SIRT4: variants seen among roughly 807,000 people sequenced by gnomAD.
The protein encoded by SIRT4 is NAD-dependent protein lipoamidase sirtuin-4, mitochondrial.
In SIRT4, 23 loss-of-function variants were observed where a neutral mutation model predicts 26.1. That is an observed-to-expected ratio of 0.88 (90% CI 0.63 to 1.25). The LOEUF is 1.25. SIRT4 is among the 50% of genes most tolerant of loss of function. The pLI is 0.00. For missense variants in SIRT4, 361 were observed against 405.4 expected (o/e 0.89, Z 0.94); for synonymous variants, 155 against 158.4 (o/e 0.98, Z 0.16).
the SIRT4 span, among the ~76,000 whole-genome samples, chr12:120,295,973 G>GCTA: frequency 6.8e-6 from 1 of 148,048 alleles, no homozygotes; most frequent in East Asian, 2.2e-4. Context: ...TGTAATCCCA[G>GCTA]CTACTAGGGG....
chr12:120,312,311 A>C (rs1241335319), intron 2 of SIRT4, 145 bp from the exon 3 acceptor site: 1 of 800,902 alleles, frequency 1.2e-6, no homozygotes, highest in Non-Finnish European at 2.0e-6. Flanking sequence ...TAAAATAGAA[A>C]GTATGGCTAA....
At chr12:120,293,101 C>A in the SIRT4 span, 12 of 152,034 alleles carry the variant, frequency 7.9e-5, no homozygotes, top group Non-Finnish European at 1.6e-4. Flanking sequence ...ATTCAGTCTC[C>A]GTAGAGACTG....
At chr12:120,304,831 ATATATTT>A (rs1342791817) in intron 2 of SIRT4, among the ~76,000 whole-genome samples, 1 of 5,608 alleles carries the variant, frequency 1.8e-4, no homozygotes, top group East Asian at 2.1e-3. Context: ...ATATATATAT[ATATATTT>A]TTTTTTTTTT....
At chr12:120,311,735 C>CAAAAAAAAAAA (rs10612543) in intron 2 of SIRT4, among the ~76,000 whole-genome samples, 1 of 55,108 alleles carries the variant, frequency 1.8e-5, no homozygotes, top group African/African-American at 8.3e-5. Context: ...AACTTGCTCT[C>CAAAAAAAAAAA]AAAAAAAAAA....
At chr12:120,312,382 G>A (rs1248784015) in intron 2 of SIRT4, 74 bp from the exon 3 acceptor site, 4 of 1,394,834 alleles carry the variant, frequency 2.9e-6, no homozygotes, top group Non-Finnish European at 3.9e-6. Flanking sequence ...GAAAATGGTT[G>A]GAGATGAAAC....
intron 2 of SIRT4, among the ~76,000 whole-genome samples, chr12:120,310,826 C>T (rs1318073803): frequency 5.3e-5 from 8 of 151,354 alleles, no homozygotes; most frequent in Non-Finnish European, 1.0e-4. Context: ...AGCTCCGCCT[C>T]CCGGGTTCAC....
chr12:120,307,264 C>CG (rs1156676831), intron 2 of SIRT4, among the ~76,000 whole-genome samples: 3 of 152,084 alleles, frequency 2.0e-5, no homozygotes, highest in Admixed American at 2.0e-4. Context: ...GCTGAGGGGG[C>CG]GGATCACTTG....
At chr12:120,297,233 A>ATACATAC in the SIRT4 span, among the ~76,000 whole-genome samples, 842 of 134,402 alleles carry the variant, frequency 6.3e-3, 3 homozygotes, top group Middle Eastern at 0.015. Context: ...AAAATAAATA[A>ATACATAC]ATACATACAT....
At chr12:120,292,279 A>T in the SIRT4 span, among the ~76,000 whole-genome samples, 1 of 152,128 alleles carries the variant, frequency 6.6e-6, no homozygotes, top group South Asian at 2.1e-4. Context: ...AGTTGGGAAT[A>T]ATTTTAGGAC....
intron 2 of SIRT4, among the ~76,000 whole-genome samples, chr12:120,311,721 G>A (rs1296721783): frequency 1.8e-5 from 2 of 113,838 alleles, no homozygotes; most frequent in Admixed American, 1.2e-4. Context: ...GGCAATGAGA[G>A]TGAAACTTGC....
Position 120,313,194 on chromosome 12 carries a change from ATTC to A in SIRT4, c.*161_*163del, listed in dbSNP as rs1873064203. ...GTTCTAGGTATCTTAATGTGTGGATATTCTTAATTAAAACTCATTTTTTTTAAA... is the reference window on the plus strand; with the variant it reads ...GTTCTAGGTATCTTAATGTGTGGATATTAATTAAAACTCATTTTTTTTAAA... On this transcript the variant is annotated 3_prime_UTR_variant, in exon 4 of 4. Coordinates refer to ENST00000202967, the MANE Select transcript of SIRT4 (RefSeq NM_012240.3). 2.7e-6 allele frequency: 2 copies of A among 745,282 alleles called. No individual in the cohort carries two copies. The highest frequency in any genetic ancestry group is 2.9e-5 in the Admixed American group (1 of 34,404). 46.2% of individuals were successfully genotyped at this position (745,282 alleles called of 1,614,324 possible).
rs986578239 is a variant in SIRT4 at position 120,307,625 on chromosome 12, C to T, written c.497+3567C>T. 5.3e-5 allele frequency among the ~76,000 whole-genome samples: 8 copies of T among 151,884 alleles called. No individual in the cohort carries two copies. The East Asian group carries it at 9.7e-4, about 18-fold the overall frequency. On this transcript the variant is annotated intron_variant, in intron 2 of 3. Coordinates refer to ENST00000202967, the MANE Select transcript of SIRT4 (RefSeq NM_012240.3). ...CTGTAATCCGAGCACTTTGGGAGGC[C>T]GAGGCAGGGGATCACCTGAGGTCAG...
At position 120,303,735 on chromosome 12, in the gene SIRT4, T is replaced by G; in HGVS notation, c.174T>G (p.Leu58=). The G allele has an allele frequency of 1.2e-6, 2 of 1,614,080 alleles. No individual in the cohort carries two copies. The highest frequency in any genetic ancestry group is 2.2e-5 in the South Asian group (2 of 91,078). The change falls in exon 2 of 4, where the codon CTT becomes CTG. Residue 58 remains leucine, a synonymous_variant. Coordinates refer to ENST00000202967, the MANE Select transcript of SIRT4 (RefSeq NM_012240.3). ...TCATCACCCTTTCCAAGAGACTCCT[T>G]GTGATGACTGGGGCAGGAATCTCCA... ...QRFITLSKRL[L]VMTGAGISTE... is the part of the protein sequence containing the mutation.
chr12:120,304,827 ATATATATATTTTT>A (rs1216354310), intron 2 of SIRT4, among the ~76,000 whole-genome samples: 49 of 104,212 alleles, frequency 4.7e-4, no homozygotes, highest in Admixed American at 1.4e-3. Flanking sequence ...ATATATATAT[ATATATATATTTTT>A]TTTTTTTTTT....
At chr12:120,304,372 G>A (rs985610885) in intron 2 of SIRT4, among the ~76,000 whole-genome samples, 9 of 152,276 alleles carry the variant, frequency 5.9e-5, no homozygotes, top group East Asian at 1.9e-4. Context: ...GACTGGGGCC[G>A]GGCGCAGTGG....
intron 2 of SIRT4, among the ~76,000 whole-genome samples, chr12:120,306,863 A>C (rs1033501649): frequency 6.6e-6 from 1 of 152,214 alleles, no homozygotes; most frequent in East Asian, 1.9e-4. Context: ...TTCTGAGGAA[A>C]ATATGAGCTG....
intron 2 of SIRT4, 45 bp from the exon 3 acceptor site, chr12:120,312,411 C>A (rs918607784): frequency 6.5e-7 from 1 of 1,533,216 alleles, no homozygotes; most frequent in South Asian, 1.3e-5. Flanking sequence ...CAGCTTTGTG[C>A]CTCCCAAGGG....
Position 120,303,632 on chromosome 12 carries a change from G to T in SIRT4, c.71G>T (p.Cys24Phe). The change falls in exon 2 of 4, where the codon TGC becomes TTC. Residue 24 changes from cysteine (C) to phenylalanine (F), a missense_variant. Cys to Phe is a radical substitution (Grantham distance 205, BLOSUM62 -2). Coordinates refer to ENST00000202967, the MANE Select transcript of SIRT4 (RefSeq NM_012240.3). ...GRWIANPSQP[C>F]SKASIGLFVP... ...TGGATCGCAAACCCCAGCCAGCCGTGCTCGAAAGCCTCCATTGGGTTATTT... is the reference window on the plus strand; with the variant it reads ...TGGATCGCAAACCCCAGCCAGCCGTTCTCGAAAGCCTCCATTGGGTTATTT... 6.2e-7 allele frequency: 1 copy of T among 1,614,120 alleles called. No individual in the cohort carries two copies. Among genetic ancestry groups the T allele is most frequent in the Non-Finnish European group, 8.5e-7 (1 of 1,180,022 alleles).
Position 120,312,943 on chromosome 12 carries a change from A to G in SIRT4, c.852A>G (p.Ile284Met). 6.2e-7 allele frequency: 1 copy of G among 1,614,136 alleles called. No individual in the cohort carries two copies. Among genetic ancestry groups the G allele is most frequent in the Non-Finnish European group, 8.5e-7 (1 of 1,180,044 alleles). ...TAWEKKLPIA[I>M]LNIGPTRSDD... ...GGGAGAAGAAGCTCCCGATTGCAATACTGAACATTGGGCCCACACGGTCGG... is the reference window on the plus strand; with the variant it reads ...GGGAGAAGAAGCTCCCGATTGCAATGCTGAACATTGGGCCCACACGGTCGG... Residue 284 changes from isoleucine (I) to methionine (M), a missense_variant, in exon 4 of 4, where the codon ATA becomes ATG. Physicochemically the swap from Ile to Met is conservative, Grantham distance 10. Transcript: ENST00000202967.
Sources: gnomAD v4.1 joint callset for allele counts (sites outside exome capture counted in the v4.1 genomes callset) on GRCh38, gnomAD v4.1.1 for gene constraint, MANE v1.5 for transcripts, NCBI Gene and HGNC (gene_info 2026-07-23, HGNC 2026-07-21) for gene names.